The following ZNF804B variants were observed in gnomAD, a reference collection of about 807,000 sequenced individuals.
ZNF804B encodes the protein zinc finger protein 804B.
In ZNF804B, 80 loss-of-function variants were observed where a neutral mutation model predicts 101.4. The ratio of observed to expected loss-of-function variants is 0.79; its 90% confidence interval spans 0.66 to 0.95. The LOEUF (loss-of-function observed/expected upper bound fraction) is 0.95, where lower values mean the gene tolerates loss of function less well. Ranked by LOEUF, ZNF804B falls within the 40% of genes least tolerant of loss-of-function variation. The pLI is 0.00. For synonymous variants in ZNF804B, 622 were observed against 558.8 expected (o/e 1.11, Z -1.59); for missense variants, 1,673 against 1,561.9 (o/e 1.07, Z -1.20).
intron 1 of ZNF804B, chr7:88,794,014 A>G (rs1006777249): frequency 2.5e-5 from 12 of 486,778 alleles, no homozygotes; most frequent in Non-Finnish European, 3.8e-5. Context: ...ACAAATAGAT[A>G]CATTTTAAAG....
intron 1 of ZNF804B, among the ~76,000 whole-genome samples, chr7:89,146,044 T>A (rs943540150): frequency 6.6e-6 from 1 of 152,088 alleles, no homozygotes. Flanking sequence ...TTCCAAATGA[T>A]GTTGAAACTC....
At chr7:88,817,345 C>T (rs1014650122) in intron 1 of ZNF804B, among the ~76,000 whole-genome samples, 5 of 151,950 alleles carry the variant, frequency 3.3e-5, no homozygotes, top group Non-Finnish European at 7.4e-5. Context: ...CAAACCTGCA[C>T]CTTGTGCACA....
intron 2 of ZNF804B, among the ~76,000 whole-genome samples, chr7:89,277,806 A>G (rs1032020781): frequency 2.6e-5 from 4 of 151,970 alleles, no homozygotes; most frequent in Admixed American, 6.6e-5. Flanking sequence ...GCCGAAATAA[A>G]CATACGTGTG....
At chr7:88,841,557 T>G (rs1386906188) in intron 1 of ZNF804B, among the ~76,000 whole-genome samples, 1 of 152,196 alleles carries the variant, frequency 6.6e-6, no homozygotes, top group Non-Finnish European at 1.5e-5. Context: ...CTAGACTCTT[T>G]GTAGCTCTTC....
chr7:88,819,963 C>T (rs1410140189), intron 1 of ZNF804B, among the ~76,000 whole-genome samples: 11 of 152,076 alleles, frequency 7.2e-5, no homozygotes, highest in Non-Finnish European at 1.5e-4. Context: ...GGTAACTTTT[C>T]AACACATTAT....
At chr7:88,894,571 A>G (rs1383773296) in intron 1 of ZNF804B, among the ~76,000 whole-genome samples, 1 of 152,182 alleles carries the variant, frequency 6.6e-6, no homozygotes, top group African/African-American at 2.4e-5. Context: ...ACCATCAGAT[A>G]ACAATTTTAT....
chr7:88,854,427 CTTT>C lies in ZNF804B; in HGVS notation c.108+94344_108+94346del, dbSNP rs1562812630. Among the ~76,000 whole-genome samples, 82 of 116,014 alleles carry C rather than the reference CTTT, an allele frequency of 7.1e-4. 3 individuals carry two copies. Among genetic ancestry groups the C allele is most frequent in the African/African-American group, 2.5e-3 (75 of 29,686 alleles). 76.1% of individuals were successfully genotyped at this position (116,014 alleles called of 152,430 possible). A position where few individuals can be genotyped will look rare whatever the true frequency, so the allele number is the denominator to read the frequency against. On this transcript the variant is annotated intron_variant, in intron 1 of 3. Coordinates refer to ENST00000333190, the MANE Select transcript of ZNF804B (RefSeq NM_181646.5). ...TCTTTCTTTCTTCCTTTCTTTCTTTCTTTCTTTCTTTCTTTCTTTCTTTCTTTC... is the reference window on the plus strand; with the variant it reads ...TCTTTCTTTCTTCCTTTCTTTCTTTCCTTTCTTTCTTTCTTTCTTTCTTTC...
intron 2 of ZNF804B, among the ~76,000 whole-genome samples, chr7:89,235,065 A>G (rs1260666429): frequency 6.6e-6 from 1 of 152,128 alleles, no homozygotes; most frequent in Non-Finnish European, 1.5e-5. Flanking sequence ...TATAGTAAAA[A>G]TATATTTTTT....
chr7:89,194,268 G>C (rs1204450616), intron 1 of ZNF804B, among the ~76,000 whole-genome samples: 1 of 152,136 alleles, frequency 6.6e-6, no homozygotes, highest in East Asian at 1.9e-4. Flanking sequence ...TAGGTTGCCT[G>C]TTCACTCTGA....
chr7:89,151,026 A>G (rs1790867262), intron 1 of ZNF804B, among the ~76,000 whole-genome samples: 1 of 152,194 alleles, frequency 6.6e-6, no homozygotes, highest in South Asian at 2.1e-4. Flanking sequence ...CATCAGAACT[A>G]TTAATAGTAC....
intron 1 of ZNF804B, among the ~76,000 whole-genome samples, chr7:89,051,560 C>T (rs1789205146): frequency 6.6e-6 from 1 of 152,020 alleles, no homozygotes; most frequent in Non-Finnish European, 1.5e-5. Flanking sequence ...TAATATATGC[C>T]AATCTGATAA....
chr7:88,955,137 AAAATAACT>A (rs1793286293), intron 1 of ZNF804B, among the ~76,000 whole-genome samples: 1 of 150,590 alleles, frequency 6.6e-6, no homozygotes. Flanking sequence ...TTTTCTTTTT[AAAATAACT>A]ATGTGGTAAA....
intron 2 of ZNF804B, among the ~76,000 whole-genome samples, chr7:89,306,242 C>T (rs1332621094): frequency 6.6e-6 from 1 of 151,882 alleles, no homozygotes; most frequent in East Asian, 1.9e-4. Flanking sequence ...TATCTTATCC[C>T]ATTATCGTTG....
rs187027331 is a variant in ZNF804B, at chr7:89,241,817, T to C, written c.249+23522T>C. Among the ~76,000 whole-genome samples, 411 of 147,294 alleles carry C rather than the reference T, an allele frequency of 2.8e-3. 2 individuals carry two copies. Among genetic ancestry groups the C allele is most frequent in the African/African-American group, 0.01 (399 of 39,616 alleles). ...TGAGAATAGTCTTTTTTTTTTTTTC[T>C]GCAGTCCTATTTTAATCACTACAAA... On this transcript the variant is annotated intron_variant, in intron 2 of 3. Transcript: ENST00000333190.
chr7:88,816,825 T>C (rs1348403273), intron 1 of ZNF804B, among the ~76,000 whole-genome samples: 1 of 145,940 alleles, frequency 6.9e-6, no homozygotes, highest in Non-Finnish European at 1.5e-5. Flanking sequence ...GTCAGTGTGG[T>C]GATTTCTCAG....
At chr7:89,193,917 A>T (rs1788500560) in intron 1 of ZNF804B, among the ~76,000 whole-genome samples, 1 of 152,150 alleles carries the variant, frequency 6.6e-6, no homozygotes, top group South Asian at 2.1e-4. Flanking sequence ...GAACTAGTTT[A>T]CAGTCCCACC....
At chr7:89,222,493 G>C (rs944524596) in intron 2 of ZNF804B, among the ~76,000 whole-genome samples, 1 of 151,938 alleles carries the variant, frequency 6.6e-6, no homozygotes, top group African/African-American at 2.4e-5. Context: ...AGTGCTTGAT[G>C]ACTGATTTTG....
intron 1 of ZNF804B, among the ~76,000 whole-genome samples, chr7:89,175,376 G>A (rs998409408): frequency 1.3e-5 from 2 of 152,004 alleles, no homozygotes; most frequent in African/African-American, 4.8e-5. Context: ...TCGAAAATGA[G>A]TTCATTGTAG....
chr7:88,878,566 C>A (rs1248897443), intron 1 of ZNF804B, among the ~76,000 whole-genome samples: 1 of 151,900 alleles, frequency 6.6e-6, no homozygotes, highest in Non-Finnish European at 1.5e-5. Flanking sequence ...TATATTCAAA[C>A]CTATTTGTTA....
Sources: gnomAD v4.1 joint callset for allele counts (sites outside exome capture counted in the v4.1 genomes callset) on GRCh38, gnomAD v4.1.1 for gene constraint, MANE v1.5 for transcripts, NCBI Gene and HGNC (gene_info 2026-07-23, HGNC 2026-07-21) for gene names.